ABCC10: variants seen among roughly 807,000 people sequenced by gnomAD.
ABCC10 encodes ATP binding cassette subfamily C member 10, also known as ATP-binding cassette sub-family C member 10.
ABCC10 carries 110 observed loss-of-function variants against 143.2 expected under a neutral mutation model. That is an observed-to-expected ratio of 0.77 (90% CI 0.66 to 0.90). ABCC10 has a LOEUF of 0.90. Ranked by LOEUF, ABCC10 falls within the 40% of genes least tolerant of loss-of-function variation. ABCC10 has a pLI of 0.00. For missense variants in ABCC10, 1,700 were observed against 1,900.5 expected (o/e 0.89, Z 1.96); for synonymous variants, 805 against 846.7 (o/e 0.95, Z 0.85).
intron 2 of ABCC10, 149 bp downstream of exon 2, chr6:43,428,288 A>G: frequency 1.0e-6 from 1 of 970,740 alleles, no homozygotes. Flanking sequence ...CTTAGCAGCA[A>G]TGTGGCTGTT....
At chr6:43,450,659 G>A, downstream of ABCC10, 1 of 1,613,914 alleles carries the variant, frequency 6.2e-7, no homozygotes, top group Non-Finnish European at 8.5e-7. This position sits in a 1 kb window ranked among gnomAD's most constrained non-coding sequence, Gnocchi z 4.5. Context: ...GTGGGGCAGG[G>A]TAGCAACAGG....
intron 8 of ABCC10, 77 bp downstream of exon 8, chr6:43,438,872 T>A: frequency 6.5e-7 from 1 of 1,549,694 alleles, no homozygotes; most frequent in Non-Finnish European, 8.8e-7. Flanking sequence ...GAGCTTTGCT[T>A]TTCTGGAAAG....
intron 8 of ABCC10, among the ~76,000 whole-genome samples, chr6:43,440,741 A>T (rs1166261418): frequency 6.6e-6 from 1 of 152,164 alleles, no homozygotes; most frequent in South Asian, 2.1e-4. Context: ...GGGCACCTGT[A>T]ATCCCAGCTA....
At chr6:43,444,675 G>A (rs1202390390) in intron 12 of ABCC10, 113 bp from the exon 13 acceptor site, 3 of 1,452,658 alleles carry the variant, frequency 2.1e-6, no homozygotes, top group African/African-American at 2.8e-5. Flanking sequence ...GGCCAGGCCA[G>A]GCGGATGGAG....
At chr6:43,429,606 A>T (rs1025227502) in intron 2 of ABCC10, among the ~76,000 whole-genome samples, 3 of 152,066 alleles carry the variant, frequency 2.0e-5, no homozygotes, top group Admixed American at 6.6e-5. Context: ...TAATTTTTTT[A>T]AAAATTATTT....
intron 12 of ABCC10, 68 bp from the exon 13 acceptor site, chr6:43,444,720 G>A: frequency 1.3e-6 from 2 of 1,513,110 alleles, no homozygotes; most frequent in Non-Finnish European, 8.8e-7. Context: ...CGGAGAAAGG[G>A]GGCATTGGAA....
intron 7 of ABCC10, 59 bp downstream of exon 7, chr6:43,438,072 C>T: frequency 1.3e-6 from 2 of 1,546,926 alleles, no homozygotes; most frequent in Admixed American, 1.9e-5. Context: ...CACTGAGCCC[C>T]TCTTATGTGT....
intron 3 of ABCC10, 60 bp from the exon 4 acceptor site, chr6:43,434,561 C>A: frequency 6.7e-7 from 1 of 1,489,832 alleles, no homozygotes; most frequent in Non-Finnish European, 9.2e-7. Flanking sequence ...GAAGGCTTGG[C>A]AGGGAAGACA....
In ABCC10 at chr6:43,432,177, G is replaced by A; in HGVS notation, c.197G>A (p.Trp66Ter). 6.2e-7 allele frequency: 1 copy of A among 1,614,234 alleles called. No individual in the cohort carries two copies. The highest frequency in any genetic ancestry group is 1.1e-5 in the South Asian group (1 of 91,088). ...TACATCCTACCCTGCAGTCCTGGATGGCGCCTCCGACTTGCAGCTTCCTTC... is the reference window on the plus strand; with the variant it reads ...TACATCCTACCCTGCAGTCCTGGATAGCGCCTCCGACTTGCAGCTTCCTTC... ...PDYILPCSPG[W>*]RLRLAASFLL... The change falls in exon 3 of 22, where the codon TGG (tryptophan) becomes TAG (stop). Residue 66 changes from tryptophan to a stop codon, truncating the protein, a stop_gained. Transcript: ENST00000372530. LOFTEE classifies it high-confidence loss of function.
Position 43,449,110 on chromosome 6 carries a change from G to C in ABCC10, c.4109G>C (p.Gly1370Ala). 6.2e-7 allele frequency: 1 copy of C among 1,614,198 alleles called. No homozygotes were observed. Among genetic ancestry groups the C allele is most frequent in the Non-Finnish European group, 8.5e-7 (1 of 1,180,014 alleles). The change falls in exon 20 of 22, where the codon GGT becomes GCT. Residue 1370 changes from glycine to alanine, a missense_variant. Physicochemically the swap from Gly to Ala is moderately conservative, Grantham distance 60. Transcript: ENST00000372530. ...HLSEVITSMG[G>A]LDGELGEGGR... ...AACGAAGATGCTTTCCTTGCAGGTG[G>C]TCTGGATGGTGAGCTGGGTGAGGGG...
rs772126253 is a variant in ABCC10 at position 43,445,306 on chromosome 6, G to C, written c.3022G>C (p.Val1008Leu). 3 of 1,613,262 alleles carry C rather than the reference G, an allele frequency of 1.9e-6. No individual in the cohort carries two copies. The highest frequency in any genetic ancestry group is 2.5e-6 in the Non-Finnish European group (3 of 1,179,686). ...TCTGCATCGCCGCCTGCTGCATCGA[G>C]TCCTTATGGTGAGGGGCTGGGACCT... is the stretch of plus-strand genomic sequence containing the variant. ...ATLHRRLLHR[V>L]LMAPVTFFNA... is the part of the protein sequence containing the mutation. The change falls in exon 14 of 22, where the codon GTC (valine) becomes CTC (leucine). Residue 1008 changes from valine to leucine, a missense_variant. By Grantham distance (32) the Val-to-Leu change is conservative. Transcript: ENST00000372530.
At chr6:43,441,144 A>C (rs1415374202) in intron 8 of ABCC10, among the ~76,000 whole-genome samples, 2 of 151,954 alleles carry the variant, frequency 1.3e-5, no homozygotes, top group Non-Finnish European at 2.9e-5. Flanking sequence ...CTTTTACATC[A>C]AATCTGCCCA....
At chr6:43,444,435 G>C (rs1782807890) in intron 12 of ABCC10, 82 bp downstream of exon 12, 2 of 1,440,826 alleles carry the variant, frequency 1.4e-6, no homozygotes, top group African/African-American at 2.9e-5. Context: ...TCATTACAAA[G>C]CCCAGAGACT....
At position 43,445,668 on chromosome 6, in the gene ABCC10, T is replaced by C; in HGVS notation, c.3100T>C (p.Cys1034Arg). ...ILNRFSSDVA[C>R]ADDSLPFILN... ...AAACCGCTTCTCCTCTGATGTGGCC[T>C]GTGCGGATGACAGCCTGCCCTTCAT... Residue 1034 changes from cysteine to arginine, a missense_variant, in exon 15 of 22, where the codon TGT (cysteine) becomes CGT (arginine). Cys to Arg is a radical substitution (Grantham distance 180). Coordinates refer to ENST00000372530, the MANE Select transcript of ABCC10 (RefSeq NM_001198934.2). The C allele has an allele frequency of 6.2e-7, 1 of 1,614,222 alleles. No individual in the cohort carries two copies. The highest frequency in any genetic ancestry group is 1.1e-5 in the South Asian group (1 of 91,090).
chr6:43,427,869 G>A (rs762194626), intron 1 of ABCC10, 99 bp from the exon 2 acceptor site: 10 of 1,407,618 alleles, frequency 7.1e-6, no homozygotes, highest in East Asian at 2.3e-5. Context: ...GGGCGGTCCC[G>A]GTTCCAGGGC....
intron 2 of ABCC10, chr6:43,431,706 TTTG>T (rs1781151157): frequency 1.4e-6 from 1 of 694,604 alleles, no homozygotes; most frequent in African/African-American, 1.9e-5. Context: ...TATGTGCTTG[TTTG>T]TTATTATACA....
chr6:43,432,966 G>A lies in ABCC10; in HGVS notation c.986G>A (p.Gly329Glu). Reference sequence around the variant, plus strand: ...AGCCACGGCCTGCTCTATGCTCTGGGGCTAGCCGGTGGGGCTGTGCTGGGT... The same window carrying A: ...AGCCACGGCCTGCTCTATGCTCTGGAGCTAGCCGGTGGGGCTGTGCTGGGT... ...PLSHGLLYAL[G>E]LAGGAVLGAV... The change falls in exon 3 of 22, where the codon GGG (glycine) becomes GAG (glutamate). Residue 329 changes from glycine (G) to glutamate (E), a missense_variant. By Grantham distance (98) the Gly-to-Glu change is moderately conservative (BLOSUM62 -2). Coordinates refer to ENST00000372530, the MANE Select transcript of ABCC10 (RefSeq NM_001198934.2). The A allele has an allele frequency of 6.2e-7, 1 of 1,614,170 alleles. No individual in the cohort carries two copies.
At chr6:43,436,095 T>C in intron 5 of ABCC10, 43 bp from the exon 6 acceptor site, 1 of 1,613,594 alleles carries the variant, frequency 6.2e-7, no homozygotes, top group South Asian at 1.1e-5. Context: ...CCAAACAGAT[T>C]GTGGTAGATT....
chr6:43,442,060 TCTGGTTCCTTC>T, intron 9 of ABCC10, 100 bp downstream of exon 9: 1 of 982,490 alleles, frequency 1.0e-6, no homozygotes, highest in Non-Finnish European at 1.5e-6. Flanking sequence ...TTCCTTAGCA[TCTGGTTCCTTC>T]CCTCCTCCCT....
Sources: gnomAD v4.1 joint callset for allele counts (sites outside exome capture counted in the v4.1 genomes callset) on GRCh38, gnomAD v4.1.1 for gene constraint, Gnocchi (gnomAD v3.1) non-coding constraint, MANE v1.5 for transcripts, NCBI Gene and HGNC (gene_info 2026-07-23, HGNC 2026-07-21) for gene names.